RREB1: variants seen among roughly 807,000 people sequenced by gnomAD.
RREB1 encodes the protein ras-responsive element-binding protein 1.
Under a neutral mutation model 117.8 loss-of-function variants are expected in RREB1, and 27 were observed. The ratio of observed to expected loss-of-function variants is 0.23; its 90% CI spans 0.17 to 0.32. RREB1 has a LOEUF of 0.32. Ranked by LOEUF, RREB1 falls within the 10% of genes least tolerant of loss-of-function variation. RREB1 has a pLI of 1.00. For synonymous variants in RREB1, 1,298 were observed against 1,026.7 expected (o/e 1.26, Z -5.05); for missense variants, 2,577 against 2,378.2 (o/e 1.08, Z -1.74).
At chr6:7,187,844 A>G (rs1005997380) in intron 5 of RREB1, among the ~76,000 whole-genome samples, 1 of 152,132 alleles carries the variant, frequency 6.6e-6, no homozygotes, top group Non-Finnish European at 1.5e-5. Flanking sequence ...TCCTGTGACA[A>G]AGTCTTAGGT....
intron 8 of RREB1, chr6:7,217,825 G>A (rs1766995906): frequency 6.6e-6 from 1 of 152,114 alleles, no homozygotes; most frequent in Admixed American, 6.5e-5. Context: ...TAGGTGTTGT[G>A]GCACTCTATG....
chr6:7,245,650 A>C (rs1399388315), intron 11 of RREB1, among the ~76,000 whole-genome samples: 3 of 152,222 alleles, frequency 2.0e-5, no homozygotes, highest in African/African-American at 7.2e-5. Context: ...GAACAAATCA[A>C]GAGGCAGGAA....
intron 6 of RREB1, among the ~76,000 whole-genome samples, chr6:7,208,722 T>C (rs1262061648): frequency 6.6e-6 from 1 of 152,020 alleles, no homozygotes; most frequent in African/African-American, 2.4e-5. Flanking sequence ...AAACTGGAGG[T>C]GGGAATGTTC....
chr6:7,198,638 A>C (rs1765786585), intron 6 of RREB1, among the ~76,000 whole-genome samples: 1 of 152,208 alleles, frequency 6.6e-6, no homozygotes, highest in South Asian at 2.1e-4. Flanking sequence ...CGTTTAGTGA[A>C]TATTTGGTAC....
chr6:7,151,970 T>A (rs1581456837), intron 1 of RREB1, among the ~76,000 whole-genome samples: 1 of 152,386 alleles, frequency 6.6e-6, no homozygotes, highest in Non-Finnish European at 1.5e-5. Flanking sequence ...GTGAAATCAC[T>A]TTTAGATGGC....
intron 8 of RREB1, among the ~76,000 whole-genome samples, chr6:7,223,332 C>T (rs1282594761): frequency 2.0e-5 from 3 of 149,098 alleles, no homozygotes; most frequent in East Asian, 3.9e-4. Context: ...GAGGCCGAGG[C>T]GGGCAGATCA....
intron 1 of RREB1, among the ~76,000 whole-genome samples, chr6:7,122,275 CTTTTTT>C (rs1054626272): frequency 2.6e-5 from 4 of 151,358 alleles, no homozygotes; most frequent in Admixed American, 6.6e-5. Flanking sequence ...TTTCTTTTTT[CTTTTTT>C]AAGGGATGGA....
intron 8 of RREB1, chr6:7,212,261 C>T (rs1766653012): frequency 6.6e-6 from 1 of 152,200 alleles, no homozygotes; most frequent in Non-Finnish European, 1.5e-5. Context: ...TGATATGTTT[C>T]AATAAAAAAG....
chr6:7,160,418 A>G (rs1260455549), intron 1 of RREB1, among the ~76,000 whole-genome samples: 5 of 152,236 alleles, frequency 3.3e-5, no homozygotes, highest in Non-Finnish European at 1.5e-5. Context: ...TGCCTTTTCT[A>G]GACTTTATCC....
At chr6:7,108,914 G>C (rs1760986213) in intron 1 of RREB1, among the ~76,000 whole-genome samples, 1 of 151,786 alleles carries the variant, frequency 6.6e-6, no homozygotes, top group Non-Finnish European at 1.5e-5. Context: ...GCCTGGGGAG[G>C]AGGGGACCGG....
At chr6:7,131,229 A>G (rs1026271834) in intron 1 of RREB1, among the ~76,000 whole-genome samples, 1 of 151,934 alleles carries the variant, frequency 6.6e-6, no homozygotes, top group Non-Finnish European at 1.5e-5. Flanking sequence ...CCCGGCCAAT[A>G]CTCATTTCTA....
intron 10 of RREB1, among the ~76,000 whole-genome samples, chr6:7,235,196 G>A (rs1581582856): frequency 6.6e-6 from 1 of 152,152 alleles, no homozygotes; most frequent in Non-Finnish European, 1.5e-5. Flanking sequence ...TGGAGCACTT[G>A]GCTACATCCA....
In RREB1 at chr6:7,167,599, C is replaced by T. The variant is rs564820925; in HGVS notation, c.-284-9056C>T. Among the ~76,000 whole-genome samples the T allele has an allele frequency of 1.2e-4, 18 of 152,268 alleles. No homozygotes were observed. In the South Asian group the frequency reaches 3.7e-3, roughly 32 times the overall value. ...CGAACTCCTGACCTCAGGCAGTCTACCCGCCTCAGGCGTGAGCCACCGCTC... is the reference window on the plus strand; with the variant it reads ...CGAACTCCTGACCTCAGGCAGTCTATCCGCCTCAGGCGTGAGCCACCGCTC... On this transcript the variant is annotated intron_variant, in intron 1 of 12. Coordinates refer to ENST00000379938, the MANE Select transcript of RREB1 (RefSeq NM_001003699.4).
chr6:7,201,741 T>C (rs933818684), intron 6 of RREB1, among the ~76,000 whole-genome samples: 1 of 152,214 alleles, frequency 6.6e-6, no homozygotes, highest in Admixed American at 6.5e-5. Flanking sequence ...TCATTGGTCC[T>C]GTGGTGTCAG....
intron 1 of RREB1, among the ~76,000 whole-genome samples, chr6:7,142,375 C>T (rs528108362): frequency 1.3e-5 from 2 of 152,206 alleles, no homozygotes; most frequent in Non-Finnish European, 2.9e-5. Context: ...GGTGCGTCCC[C>T]CCGCAAAGCT....
chr6:7,235,727 A>C (rs1372609527), intron 10 of RREB1, among the ~76,000 whole-genome samples: 1 of 151,938 alleles, frequency 6.6e-6, no homozygotes, highest in Admixed American at 6.6e-5. Context: ...GCCTCCTCCT[A>C]CCCCCTCAGC....
chr6:7,220,412 C>T (rs1767179147), intron 8 of RREB1, among the ~76,000 whole-genome samples: 1 of 152,006 alleles, frequency 6.6e-6, no homozygotes, highest in Non-Finnish European at 1.5e-5. Context: ...GGAGATTTTT[C>T]CACTGATGAT....
intron 1 of RREB1, among the ~76,000 whole-genome samples, chr6:7,109,793 A>G (rs574706371): frequency 2.0e-5 from 3 of 152,284 alleles, no homozygotes; most frequent in African/African-American, 7.2e-5. Flanking sequence ...CATTCGGGGC[A>G]CTTTGGAGGG....
chr6:7,200,270 G>A (rs1332728338), intron 6 of RREB1, among the ~76,000 whole-genome samples: 14 of 136,120 alleles, frequency 1.0e-4, no homozygotes, highest in Admixed American at 4.9e-4. Flanking sequence ...GTGTGTGTGT[G>A]TGTGTGTGTG....
Sources: gnomAD v4.1 joint callset for allele counts (sites outside exome capture counted in the v4.1 genomes callset) on GRCh38, gnomAD v4.1.1 for gene constraint, MANE v1.5 for transcripts, NCBI Gene and HGNC (gene_info 2026-07-23, HGNC 2026-07-21) for gene names.